Variants in KAZN observed in about 807,000 individuals in gnomAD.
The protein encoded by KAZN is kazrin, periplakin interacting protein.
Under a neutral mutation model 87.4 loss-of-function variants are expected in KAZN, and 40 were observed. The ratio of observed to expected loss-of-function variants is 0.46; its 90% CI spans 0.36 to 0.60. The LOEUF (loss-of-function observed/expected upper bound fraction) is 0.60, where lower values mean the gene tolerates loss of function less well. Among genes scored for constraint, KAZN ranks in the 20% least tolerant of loss-of-function variants. The pLI is 0.00. For synonymous variants in KAZN, 466 were observed against 458.3 expected, an observed-to-expected ratio of 1.02 and a Z score of -0.22; for missense variants, 898 against 1,073.9, an observed-to-expected ratio of 0.84 and a Z score of 2.29.
chr1:14,819,842 G>A (rs1479199856), intron 1 of KAZN, among the ~76,000 whole-genome samples: 2 of 151,028 alleles, frequency 1.3e-5, no homozygotes, highest in Non-Finnish European at 2.9e-5. Flanking sequence ...CGAGTAGCTG[G>A]GATTACAGGT....
At chr1:14,729,028 G>T (rs1012616570) in intron 1 of KAZN, among the ~76,000 whole-genome samples, 1 of 139,962 alleles carries the variant, frequency 7.1e-6, no homozygotes, top group Non-Finnish European at 1.5e-5. Context: ...AGCCTCCTGG[G>T]TGACAGATGG....
At chr1:14,794,204 C>A (rs1184507267) in intron 1 of KAZN, among the ~76,000 whole-genome samples, 1 of 152,164 alleles carries the variant, frequency 6.6e-6, no homozygotes, top group Non-Finnish European at 1.5e-5. Flanking sequence ...AGAGGGCACT[C>A]ATTTCATGGA....
chr1:14,998,745 C>T lies in KAZN; in HGVS notation c.419-36004C>T, dbSNP rs952315005. 6.6e-5 allele frequency among the ~76,000 whole-genome samples: 10 copies of T among 152,040 alleles called. No homozygotes were observed. In the South Asian group the frequency reaches 1.2e-3, roughly 19 times the overall value. On this transcript the variant is annotated intron_variant, in intron 2 of 14. Transcript: ENST00000376030. ...TGTATTTTTAGTAGAGACGGGGTTTCGCCATGTTGTTCAGGCTGGTCTCGA... is the reference window on the plus strand; with the variant it reads ...TGTATTTTTAGTAGAGACGGGGTTTTGCCATGTTGTTCAGGCTGGTCTCGA...
At chr1:14,777,696 G>A (rs1645221116) in intron 1 of KAZN, among the ~76,000 whole-genome samples, 2 of 152,100 alleles carry the variant, frequency 1.3e-5, no homozygotes, top group African/African-American at 2.4e-5. Context: ...ATTGTCACTC[G>A]GGTCTGAATA....
chr1:14,583,794 A>C (rs993747221), intron 2 of KAZN, among the ~76,000 whole-genome samples: 3 of 152,146 alleles, frequency 2.0e-5, no homozygotes, highest in Non-Finnish European at 4.4e-5. Flanking sequence ...GATCGCGTTT[A>C]TTCCTCATCA....
At chr1:14,729,984 C>T (rs1216627845) in intron 1 of KAZN, among the ~76,000 whole-genome samples, 1 of 152,140 alleles carries the variant, frequency 6.6e-6, no homozygotes, top group African/African-American at 2.4e-5. Flanking sequence ...TCTATCACTG[C>T]TTTTGTGCTG....
intron 1 of KAZN, among the ~76,000 whole-genome samples, chr1:14,159,020 T>G (rs193225574): frequency 6.6e-6 from 1 of 152,226 alleles, no homozygotes; most frequent in Admixed American, 6.5e-5. Flanking sequence ...AGTACTCCTG[T>G]GGCCACCACC....
At chr1:14,816,184 G>C (rs1426245805) in intron 1 of KAZN, among the ~76,000 whole-genome samples, 1 of 152,094 alleles carries the variant, frequency 6.6e-6, no homozygotes, top group Non-Finnish European at 1.5e-5. Flanking sequence ...CAATCTACTA[G>C]ATATCCATTG....
intron 1 of KAZN, among the ~76,000 whole-genome samples, chr1:14,760,962 G>A (rs753618874): frequency 4.8e-4 from 73 of 152,292 alleles, no homozygotes; most frequent in Non-Finnish European, 7.8e-4. Flanking sequence ...ACAAATGGAC[G>A]TGGCTGTTTT....
chr1:14,404,760 CTAAT>C (rs1335833240), intron 2 of KAZN, among the ~76,000 whole-genome samples: 1 of 152,124 alleles, frequency 6.6e-6, no homozygotes, highest in East Asian at 1.9e-4. Flanking sequence ...GAAAAACAAA[CTAAT>C]TGATGAAATG....
rs539062631 is a variant in KAZN, at chr1:14,971,875, C to T, written c.418+11000C>T. On this transcript the variant is annotated intron_variant, in intron 2 of 14. Coordinates refer to ENST00000376030, the MANE Select transcript of KAZN (RefSeq NM_201628.3). ...GGCTGCAAGGTTGCTCTCTTGGCCA[C>T]ACCAGACAGAAGTTTTTCTTCCCAC... 1.1e-4 allele frequency among the ~76,000 whole-genome samples: 16 copies of T among 152,118 alleles called. No homozygotes were observed. The South Asian group carries it at 2.9e-3, about 28-fold the overall frequency.
chr1:14,638,568 C>CA (rs1485192591), intron 1 of KAZN, among the ~76,000 whole-genome samples: 21 of 50,148 alleles, frequency 4.2e-4, no homozygotes, highest in African/African-American at 1.4e-3. Context: ...GACTCCGTCT[C>CA]AAAAAAAAAA....
chr1:14,397,175 A>G (rs1662972084), intron 2 of KAZN, among the ~76,000 whole-genome samples: 2 of 152,154 alleles, frequency 1.3e-5, no homozygotes, highest in African/African-American at 4.8e-5. Context: ...CAGGTGATGT[A>G]TATTTTCTCT....
At chr1:14,193,480 G>GAGCCTTTAAAAGGAACTT (rs1646464176) in intron 2 of KAZN, among the ~76,000 whole-genome samples, 1 of 152,072 alleles carries the variant, frequency 6.6e-6, no homozygotes, top group Admixed American at 6.5e-5. Flanking sequence ...GGCTCCCTTA[G>GAGCCTTTAAAAGGAACTT]AGCCTTTAAA....
intron 1 of KAZN, among the ~76,000 whole-genome samples, chr1:14,069,620 A>G (rs1643161582): frequency 6.6e-6 from 1 of 152,204 alleles, no homozygotes; most frequent in South Asian, 2.1e-4. Context: ...ATTGCCACCA[A>G]GGGAAATGTT....
In KAZN at chr1:14,820,455, G is replaced by A. The variant is rs1477982278; in HGVS notation, c.227-140229G>A. On this transcript the variant is annotated intron_variant, in intron 1 of 14. Transcript: ENST00000376030. The surrounding 1 kb of genome is among the most constrained non-coding windows in gnomAD (Gnocchi z 4.1). ...AAATGGGATGTGTCCCACTGCCCCC[G>A]TTTGGTGCCACAGTTGGGTTTATTC... Among the ~76,000 whole-genome samples the A allele has an allele frequency of 5.9e-5, 9 of 152,210 alleles. No individual in the cohort carries two copies. The highest frequency in any genetic ancestry group is 2.1e-4 in the South Asian group (1 of 4,832).
intron 2 of KAZN, among the ~76,000 whole-genome samples, chr1:14,426,378 TG>T (rs1209199800): frequency 6.6e-6 from 1 of 152,214 alleles, no homozygotes; most frequent in Non-Finnish European, 1.5e-5. Context: ...ATGTGTTTAT[TG>T]TCTTCTCCCC....
At chr1:13,970,007 G>A (rs1443696158) in intron 1 of KAZN, among the ~76,000 whole-genome samples, 1 of 152,154 alleles carries the variant, frequency 6.6e-6, no homozygotes, top group African/African-American at 2.4e-5. Flanking sequence ...AATGCAAAAA[G>A]CAAATGCAAA....
chr1:14,132,736 T>A (rs1411467622), intron 1 of KAZN, among the ~76,000 whole-genome samples: 4 of 152,116 alleles, frequency 2.6e-5, no homozygotes, highest in East Asian at 3.9e-4. Flanking sequence ...ATTAACAATA[T>A]GTTTCCCCCA....
Sources: allele counts gnomAD v4.1 joint callset (sites outside exome capture counted in the v4.1 genomes callset), GRCh38; gene constraint gnomAD v4.1.1; non-coding constraint Gnocchi (gnomAD v3.1); transcripts MANE v1.5; gene names NCBI Gene and HGNC (gene_info 2026-07-23, HGNC 2026-07-21).